The following SPOCK3 variants were observed in gnomAD, a reference collection of about 807,000 sequenced individuals.
SPOCK3 encodes testican-3.
A neutral mutation model predicts 56.6 loss-of-function variants in SPOCK3; 30 were observed. The observed-to-expected ratio is 0.53, with a 90% CI of 0.40 to 0.72. The LOEUF is 0.72. Among genes scored for constraint, SPOCK3 ranks in the 30% least tolerant of loss-of-function variants. The pLI is 0.00. For synonymous variants in SPOCK3, 196 were observed against 183.3 expected, an observed-to-expected ratio of 1.07 and a Z score of -0.56; for missense variants, 527 against 530.0, an observed-to-expected ratio of 0.99 and a Z score of 0.06.
At chr4:167,078,291 G>T (rs1490398690) in intron 2 of SPOCK3, among the ~76,000 whole-genome samples, 1 of 147,576 alleles carries the variant, frequency 6.8e-6, no homozygotes, top group Non-Finnish European at 1.5e-5. Flanking sequence ...ATACCTATGT[G>T]TATCCAGGTC....
intron 7 of SPOCK3, among the ~76,000 whole-genome samples, chr4:166,765,972 G>C (rs1052639202): frequency 5.3e-5 from 8 of 151,990 alleles, no homozygotes; most frequent in African/African-American, 1.9e-4. Context: ...GTTCACTCAT[G>C]ATTTGGCTCT....
chr4:167,052,853 T>A (rs1754367564), intron 3 of SPOCK3, among the ~76,000 whole-genome samples: 1 of 152,198 alleles, frequency 6.6e-6, no homozygotes, highest in Non-Finnish European at 1.5e-5. Flanking sequence ...CTACATAAAC[T>A]ATTCCTTAAG....
At chr4:166,869,791 C>G (rs751778641) in intron 6 of SPOCK3, among the ~76,000 whole-genome samples, 1 of 151,982 alleles carries the variant, frequency 6.6e-6, no homozygotes, top group Non-Finnish European at 1.5e-5. Flanking sequence ...AATCATCACA[C>G]GAAATCTGGA....
intron 3 of SPOCK3, among the ~76,000 whole-genome samples, chr4:167,041,526 T>C (rs1303538470): frequency 6.6e-6 from 1 of 152,184 alleles, no homozygotes; most frequent in Non-Finnish European, 1.5e-5. Context: ...AGTTTGTTCT[T>C]GTGTTAGAAT....
intron 2 of SPOCK3, among the ~76,000 whole-genome samples, chr4:167,192,756 G>A (rs1732583549): frequency 2.1e-5 from 3 of 144,618 alleles, no homozygotes; most frequent in African/African-American, 8.0e-5. Context: ...TTTCCTCTTT[G>A]AACTTATTCT....
chr4:167,165,805 T>A (rs529240807), intron 2 of SPOCK3, among the ~76,000 whole-genome samples: 54 of 152,110 alleles, frequency 3.6e-4, no homozygotes, highest in Middle Eastern at 3.4e-3. Flanking sequence ...CAGTTGCATA[T>A]AAGAGGGAGT....
At chr4:166,925,764 AG>A (rs1489237989) in intron 4 of SPOCK3, among the ~76,000 whole-genome samples, 1 of 152,144 alleles carries the variant, frequency 6.6e-6, no homozygotes, top group African/African-American at 2.4e-5. Context: ...AAATTTTAAA[AG>A]CAAAAATACA....
At chr4:166,957,884 G>A (rs939296642) in intron 4 of SPOCK3, among the ~76,000 whole-genome samples, 23 of 152,134 alleles carry the variant, frequency 1.5e-4, no homozygotes, top group African/African-American at 5.3e-4. Flanking sequence ...AGGTGGAAGA[G>A]ATTAGCTTTA....
chr4:167,030,579 GC>G (rs1166461557), intron 3 of SPOCK3, among the ~76,000 whole-genome samples: 1 of 151,956 alleles, frequency 6.6e-6, no homozygotes, highest in Non-Finnish European at 1.5e-5. Flanking sequence ...TGATATATTA[GC>G]CTGTTTACAT....
At chr4:166,961,388 A>T (rs1470282132) in intron 4 of SPOCK3, among the ~76,000 whole-genome samples, 1 of 152,114 alleles carries the variant, frequency 6.6e-6, no homozygotes, top group Admixed American at 6.6e-5. Context: ...GGATTGAAGT[A>T]TTAATTGAAG....
Position 166,734,375 on chromosome 4 carries a change from G to T in SPOCK3, c.*546C>A, listed in dbSNP as rs1315231042. The stretch of plus-strand genomic sequence containing the variant: ...CATAGGTAAAAACACCACTATTAAT[G>T]TAAACACAATTGAGGACTCTACAAT... On this transcript the variant is annotated 3_prime_UTR_variant, in exon 11 of 11. Transcript: ENST00000357545. The T allele has an allele frequency of 6.6e-6, 1 of 151,846 alleles. No homozygotes were observed. Among genetic ancestry groups the T allele is most frequent in the African/African-American group, 2.4e-5 (1 of 41,408 alleles). The allele number at this position is 151,846 out of a possible 1,614,324, so 9.4% of individuals were successfully genotyped here.
intron 2 of SPOCK3, among the ~76,000 whole-genome samples, chr4:167,130,787 C>T (rs1401464923): frequency 6.6e-6 from 1 of 152,026 alleles, no homozygotes; most frequent in Non-Finnish European, 1.5e-5. Flanking sequence ...GAATTACAAG[C>T]AAAGGACTGA....
intron 2 of SPOCK3, among the ~76,000 whole-genome samples, chr4:167,156,056 A>C (rs1764794667): frequency 6.6e-6 from 1 of 152,226 alleles, no homozygotes; most frequent in African/African-American, 2.4e-5. Context: ...AAAACAAAAC[A>C]GATAAACTTT....
rs759337138 is a variant in SPOCK3, at chr4:167,060,450, T to C, written c.235+2042A>G. Among the ~76,000 whole-genome samples, 108 of 152,246 alleles carry C rather than the reference T, an allele frequency of 7.1e-4. No homozygotes were observed. The Middle Eastern group carries it at 0.01, about 14-fold the overall frequency. Reference sequence around the variant, plus strand: ...TTAGATGGAAATAGGATTATTTTGCTCACTCCTCAGTGTGGTCTACAACTA... The same window carrying C: ...TTAGATGGAAATAGGATTATTTTGCCCACTCCTCAGTGTGGTCTACAACTA... On this transcript the variant is annotated intron_variant, in intron 3 of 10. Coordinates refer to ENST00000357545, the MANE Select transcript of SPOCK3 (RefSeq NM_001040159.2).
intron 7 of SPOCK3, among the ~76,000 whole-genome samples, chr4:166,768,411 T>G (rs969755204): frequency 2.0e-5 from 3 of 152,188 alleles, no homozygotes; most frequent in African/African-American, 7.2e-5. Flanking sequence ...AGCATTTGCT[T>G]GTCTGTAAAG....
At chr4:166,944,248 T>C (rs912102951) in intron 4 of SPOCK3, among the ~76,000 whole-genome samples, 1 of 152,012 alleles carries the variant, frequency 6.6e-6, no homozygotes, top group African/African-American at 2.4e-5. Flanking sequence ...AGGGAGGGGA[T>C]TGTATAGATA....
chr4:166,763,864 T>A (rs1737582375), intron 7 of SPOCK3, among the ~76,000 whole-genome samples: 4 of 152,164 alleles, frequency 2.6e-5, no homozygotes, highest in Admixed American at 2.6e-4. Flanking sequence ...TTAAGTAACA[T>A]CAATTCATTA....
At chr4:167,122,754 T>C (rs970160203) in intron 2 of SPOCK3, among the ~76,000 whole-genome samples, 1 of 152,172 alleles carries the variant, frequency 6.6e-6, no homozygotes, top group Non-Finnish European at 1.5e-5. Context: ...TACTGCTAAC[T>C]CATTTACAAC....
intron 7 of SPOCK3, among the ~76,000 whole-genome samples, chr4:166,764,340 C>A (rs1355793835): frequency 6.6e-6 from 1 of 152,040 alleles, no homozygotes; most frequent in Admixed American, 6.6e-5. Context: ...TCCCTCCCCC[C>A]TCTCCCCACC....
Sources: gnomAD v4.1 joint callset for allele counts (sites outside exome capture counted in the v4.1 genomes callset) on GRCh38, gnomAD v4.1.1 for gene constraint, MANE v1.5 for transcripts, NCBI Gene and HGNC (gene_info 2026-07-23, HGNC 2026-07-21) for gene names.